Variants in SPATA31D1 observed in about 807,000 individuals in gnomAD.
The protein encoded by SPATA31D1 is SPATA31 subfamily D member 1.
SPATA31D1 carries 6 observed loss-of-function variants against 13.2 expected under a neutral mutation model. The ratio of observed to expected loss-of-function variants is 0.46; its 90% CI spans 0.25 to 0.90. The LOEUF (loss-of-function observed/expected upper bound fraction) is 0.90. Among genes scored for constraint, SPATA31D1 ranks in the 40% least tolerant of loss-of-function variants. SPATA31D1 has a pLI of 0.18. For missense variants in SPATA31D1, 2,445 were observed against 1,884.7 expected (o/e 1.30, Z -5.50); for synonymous variants, 903 against 718.8 (o/e 1.26, Z -4.10).
At chr9:81,989,309 T>G (rs558454632) in intron 1 of SPATA31D1, among the ~76,000 whole-genome samples, 1 of 152,278 alleles carries the variant, frequency 6.6e-6, no homozygotes, top group South Asian at 2.1e-4. Flanking sequence ...TATTTAGAGA[T>G]TGTGGGCTCT....
rs756954172 is a variant in SPATA31D1 at position 81,989,805 on chromosome 9, A to G, written c.214A>G (p.Lys72Glu). ...KHQGRAKRRRKGGTFKGFPDW... is the reference protein window; with the variant it reads ...KHQGRAKRRREGGTFKGFPDW... ...TCAGGGCAGAGCCAAGAGGAGAAGG[A>G]AAGGTGGGACATTCAAAGGTAATGT... Residue 72 changes from lysine (K) to glutamate (E), a missense_variant, in exon 2 of 4, where the codon AAA becomes GAA. Transcript: ENST00000344803. 1.9e-6 allele frequency: 3 copies of G among 1,613,720 alleles called. No individual in the cohort carries two copies. Among genetic ancestry groups the G allele is most frequent in the Non-Finnish European group, 2.5e-6 (3 of 1,179,714 alleles).
upstream of SPATA31D1, among the ~76,000 whole-genome samples, chr9:81,988,330 A>G (rs1023639722): frequency 1.3e-5 from 2 of 152,204 alleles, no homozygotes; most frequent in African/African-American, 2.4e-5. Flanking sequence ...TATAAAGGAA[A>G]TTTAAGTTTT....
Position 81,992,717 on chromosome 9 carries a change from A to G in SPATA31D1, c.2247A>G (p.Ala749=). The G allele has an allele frequency of 6.2e-7, 1 of 1,613,814 alleles. No individual in the cohort carries two copies. The highest frequency in any genetic ancestry group is 8.5e-7 in the Non-Finnish European group (1 of 1,179,722). The part of the protein sequence containing the change: ...GQRCNVLKKS[A]SSFPRSFHER... ...GGTGCAATGTTCTAAAGAAGTCCGC[A>G]TCAAGCTTCCCTAGAAGCTTCCACG... The change falls in exon 4 of 4, where the codon GCA becomes GCG. Residue 749 remains alanine (A), a synonymous_variant. Transcript: ENST00000344803.
rs372226061 is a variant in SPATA31D1, at chr9:81,992,150, A to T, written c.1680A>T (p.Pro560=). 6.0e-5 allele frequency: 97 copies of T among 1,613,390 alleles called. No individual in the cohort carries two copies. The African/African-American group carries it at 8.6e-4, about 14-fold the overall frequency. Residue 560 remains proline, a synonymous_variant, in exon 4 of 4, where the codon CCA becomes CCT. Transcript: ENST00000344803. ...CTCTGTCCTTGCCTAGTACCCAACC[A>T]CTACCCTTGCCTCAAACCCTGCCCC... ...PQPLSLPSTQ[P]LPLPQTLPQG... is the part of the protein sequence containing the mutation.
At position 81,991,333 on chromosome 9, in the gene SPATA31D1, C is replaced by G. The variant is rs1445838603; in HGVS notation, c.863C>G (p.Pro288Arg). The G allele has an allele frequency of 2.5e-6, 4 of 1,613,916 alleles. No homozygotes were observed. The Admixed American group carries it at 5.0e-5, about 20-fold the overall frequency. ...LCQDISQAMN[P>R]IDSCARHHGP... ...CAAGATATTTCGCAGGCCATGAATC[C>G]CATTGATTCTTGTGCTCGTCATCAC... The change falls in exon 4 of 4, where the codon CCC (proline) becomes CGC (arginine). Residue 288 changes from proline to arginine, a missense_variant. Coordinates refer to ENST00000344803, the MANE Select transcript of SPATA31D1 (RefSeq NM_001001670.3).
chr9:81,988,673 T>C, upstream of SPATA31D1: 1 of 1,332,854 alleles, frequency 7.5e-7, no homozygotes. Context: ...GGGTTGGGGC[T>C]GTGGACACAC....
Position 81,992,394 on chromosome 9 carries a change from G to A in SPATA31D1, c.1924G>A (p.Val642Met), listed in dbSNP as rs1824991538. Residue 642 changes from valine (V) to methionine (M), a missense_variant, in exon 4 of 4, where the codon GTG becomes ATG. Physicochemically the swap from Val to Met is conservative, Grantham distance 21 (BLOSUM62 1). Transcript: ENST00000344803. ...GGAAAGTTTGTGGGGCTTACCCTCT[G>A]TGGTTCAAAAATCCCAGGAAGACTT... ...VQESLWGLPS[V>M]VQKSQEDFCP... 6.2e-7 allele frequency: 1 copy of A among 1,613,610 alleles called. No homozygotes were observed. Among genetic ancestry groups the A allele is most frequent in the Non-Finnish European group, 8.5e-7 (1 of 1,179,748 alleles).
At position 81,993,126 on chromosome 9, in the gene SPATA31D1, G is replaced by C. The variant is rs777325996; in HGVS notation, c.2656G>C (p.Val886Leu). ...AACATTGGTGAGTGAGGACCACTGC[G>C]TTGATACTTCCCAGGAAATTTCCTT... ...LVTLVSEDHC[V>L]DTSQEISFLS... Residue 886 changes from valine (V) to leucine (L), a missense_variant, in exon 4 of 4, where the codon GTT becomes CTT. Coordinates refer to ENST00000344803, the MANE Select transcript of SPATA31D1 (RefSeq NM_001001670.3). 6.2e-7 allele frequency: 1 copy of C among 1,613,966 alleles called. No individual in the cohort carries two copies. The highest frequency in any genetic ancestry group is 1.3e-5 in the African/African-American group (1 of 75,046).
chr9:81,994,897 A>T lies in SPATA31D1; in HGVS notation c.4427A>T (p.Gln1476Leu). 1 of 1,613,984 alleles carries T rather than the reference A, an allele frequency of 6.2e-7. No individual in the cohort carries two copies. The highest frequency in any genetic ancestry group is 8.5e-7 in the Non-Finnish European group (1 of 1,179,866). The change falls in exon 4 of 4, where the codon CAA becomes CTA. Residue 1476 changes from glutamine to leucine, a missense_variant. Physicochemically the swap from Gln to Leu is moderately radical, Grantham distance 113 (BLOSUM62 -2). Transcript: ENST00000344803. Reference sequence around the variant, plus strand: ...GTGACACGTACCAAATCTTGCAGCCAACAAGCTATCTTTGTTGGCCAGAAT... The same window carrying T: ...GTGACACGTACCAAATCTTGCAGCCTACAAGCTATCTTTGTTGGCCAGAAT... Reference protein sequence around the residue: ...CKVTRTKSCSQQAIFVGQNYP... With the variant: ...CKVTRTKSCSLQAIFVGQNYP...
At position 81,994,656 on chromosome 9, in the gene SPATA31D1, T is replaced by G. The variant is rs749113662; in HGVS notation, c.4186T>G (p.Phe1396Val). ...QNIGRVIRAA[F>V]TGTTEAQKIR... ...TATTGGTCGAGTTATAAGAGCTGCC[T>G]TTACTGGGACTACTGAAGCTCAGAA... The change falls in exon 4 of 4, where the codon TTT becomes GTT. Residue 1396 changes from phenylalanine (F) to valine (V), a missense_variant. Physicochemically the swap from Phe to Val is conservative, Grantham distance 50. Coordinates refer to ENST00000344803, the MANE Select transcript of SPATA31D1 (RefSeq NM_001001670.3). 1.2e-6 allele frequency: 2 copies of G among 1,613,516 alleles called. No individual in the cohort carries two copies. Among genetic ancestry groups the G allele is most frequent in the South Asian group, 2.2e-5 (2 of 90,984 alleles).
upstream of SPATA31D1, among the ~76,000 whole-genome samples, chr9:81,988,511 C>T (rs895864194): frequency 2.6e-4 from 39 of 152,076 alleles, no homozygotes; most frequent in African/African-American, 8.0e-4. Context: ...AACAGTAAAG[C>T]GGGACTTGGG....
chr9:81,993,291 C>G lies in SPATA31D1; in HGVS notation c.2821C>G (p.His941Asp). 6.2e-7 allele frequency: 1 copy of G among 1,613,978 alleles called. No individual in the cohort carries two copies. Reference protein sequence around the residue: ...SKADLSTSFSHFDLPSSATFI... With the variant: ...SKADLSTSFSDFDLPSSATFI... ...AGCGGACCTTTCCACTTCCTTTTCC[C>G]ATTTCGACCTTCCCTCCTCAGCCAC... Residue 941 changes from histidine to aspartate, a missense_variant, in exon 4 of 4, where the codon CAT becomes GAT. Transcript: ENST00000344803.
chr9:81,989,154 G>C (rs1238916812), intron 1 of SPATA31D1, 150 bp downstream of exon 1: 16 of 1,310,204 alleles, frequency 1.2e-5, no homozygotes, highest in East Asian at 2.5e-5. Context: ...TTCTATGGAA[G>C]AGGTTGGGCA....
Position 81,990,816 on chromosome 9 carries a change from G to C in SPATA31D1, c.346G>C (p.Asp116His). The C allele has an allele frequency of 6.2e-7, 1 of 1,613,600 alleles. No homozygotes were observed. The highest frequency in any genetic ancestry group is 8.5e-7 in the Non-Finnish European group (1 of 1,179,720). Residue 116 changes from aspartate to histidine, a missense_variant, in exon 4 of 4, where the codon GAT (aspartate) becomes CAT (histidine). Coordinates refer to ENST00000344803, the MANE Select transcript of SPATA31D1 (RefSeq NM_001001670.3). Reference sequence around the variant, plus strand: ...CTGCAGTCCTCGGGGCCAGCATCATGATACCAACCACTTTCGTCGACTGTT... The same window carrying C: ...CTGCAGTCCTCGGGGCCAGCATCATCATACCAACCACTTTCGTCGACTGTT... ...VSCSPRGQHH[D>H]TNHFRRLLCP...
Position 81,993,099 on chromosome 9 carries a change from G to T in SPATA31D1, c.2629G>T (p.Val877Leu). The change falls in exon 4 of 4, where the codon GTA (valine) becomes TTA (leucine). Residue 877 changes from valine to leucine, a missense_variant. Physicochemically the swap from Val to Leu is conservative, Grantham distance 32 (BLOSUM62 1). Transcript: ENST00000344803. ...SHSQIKHRNL[V>L]TLVSEDHCVD... ...CAGCCAAATTAAACATCGAAATCTG[G>T]TAACATTGGTGAGTGAGGACCACTG... is the stretch of plus-strand genomic sequence containing the variant. 2 of 1,613,838 alleles carry T rather than the reference G, an allele frequency of 1.2e-6. No homozygotes were observed. Among genetic ancestry groups the T allele is most frequent in the Non-Finnish European group, 1.7e-6 (2 of 1,179,802 alleles).
rs758845622 is a variant in SPATA31D1, at chr9:81,994,050, G to T, written c.3580G>T (p.Asp1194Tyr). 2 of 1,613,754 alleles carry T rather than the reference G, an allele frequency of 1.2e-6. No individual in the cohort carries two copies. Among genetic ancestry groups the T allele is most frequent in the Non-Finnish European group, 1.7e-6 (2 of 1,179,776 alleles). The change falls in exon 4 of 4, where the codon GAT becomes TAT. Residue 1194 changes from aspartate (D) to tyrosine (Y), a missense_variant. Coordinates refer to ENST00000344803, the MANE Select transcript of SPATA31D1 (RefSeq NM_001001670.3). ...IFPPRISVPQ[D>Y]PKSSYLKNQM... ...CCCACCAAGAATATCAGTTCCTCAA[G>T]ATCCTAAATCATCATACCTTAAAAA... is the stretch of plus-strand genomic sequence containing the variant.
In SPATA31D1 at chr9:81,995,069, T is replaced by C; in HGVS notation, c.4599T>C (p.Arg1533=). Residue 1533 remains arginine, a synonymous_variant, in exon 4 of 4, where the codon CGT becomes CGC. Coordinates refer to ENST00000344803, the MANE Select transcript of SPATA31D1 (RefSeq NM_001001670.3). ...PVPHPNPTCR[R]QVSLVCPAVP... is the part of the protein sequence containing the mutation. ...CACATCCAAACCCCACTTGCCGGCG[T>C]CAGGTCAGCCTGGTGTGTCCAGCCG... 1 of 1,613,286 alleles carries C rather than the reference T, an allele frequency of 6.2e-7. No individual in the cohort carries two copies. Among genetic ancestry groups the C allele is most frequent in the Middle Eastern group, 1.7e-4 (1 of 6,060 alleles).
chr9:81,991,332 C>A lies in SPATA31D1; in HGVS notation c.862C>A (p.Pro288Thr), dbSNP rs376216540. 58 of 1,613,912 alleles carry A rather than the reference C, an allele frequency of 3.6e-5. No individual in the cohort carries two copies. The South Asian group carries it at 4.2e-4, about 12-fold the overall frequency. ...CCAAGATATTTCGCAGGCCATGAAT[C>A]CCATTGATTCTTGTGCTCGTCATCA... Reference protein sequence around the residue: ...LCQDISQAMNPIDSCARHHGP... With the variant: ...LCQDISQAMNTIDSCARHHGP... Residue 288 changes from proline to threonine, a missense_variant, in exon 4 of 4, where the codon CCC becomes ACC. By Grantham distance (38) the Pro-to-Thr change is conservative (BLOSUM62 -1). Transcript: ENST00000344803.
chr9:81,994,697 T>C lies in SPATA31D1; in HGVS notation c.4227T>C (p.Thr1409=). Residue 1409 remains threonine, a synonymous_variant, in exon 4 of 4, where the codon ACT becomes ACC. Transcript: ENST00000344803. ...TTEAQKIRKD[T]REFLEEKLGH... ...AAGCTCAGAAAATTAGGAAAGACAC[T>C]AGGGAGTTCCTAGAAGAGAAGCTGG... 3.7e-6 allele frequency: 6 copies of C among 1,613,652 alleles called. No homozygotes were observed. The highest frequency in any genetic ancestry group is 4.2e-6 in the Non-Finnish European group (5 of 1,179,740).
Sources: gnomAD v4.1 joint callset for allele counts (sites outside exome capture counted in the v4.1 genomes callset) on GRCh38, gnomAD v4.1.1 for gene constraint, MANE v1.5 for transcripts, NCBI Gene and HGNC (gene_info 2026-07-23, HGNC 2026-07-21) for gene names.